Variants in MBOAT7 observed in about 807,000 individuals in gnomAD.
MBOAT7 encodes membrane-bound acylglycerophosphatidylinositol O-acyltransferase MBOAT7.
In MBOAT7, 40 loss-of-function variants were observed where a neutral mutation model predicts 47.4. The observed-to-expected ratio is 0.84, with a 90% CI of 0.66 to 1.10. The LOEUF (loss-of-function observed/expected upper bound fraction) is 1.10, where lower values mean the gene tolerates loss of function less well. MBOAT7 is among the 50% of genes least tolerant of loss of function. The pLI is 0.00. For missense variants in MBOAT7, 680 were observed against 655.6 expected, an observed-to-expected ratio of 1.04 and a Z score of -0.41; for synonymous variants, 361 against 292.0, an observed-to-expected ratio of 1.24 and a Z score of -2.41.
At position 54,173,559 on chromosome 19, in the gene MBOAT7, G is replaced by A. The variant is rs372661931; in HGVS notation, c.*485C>T. 1.3e-4 allele frequency: 24 copies of A among 178,410 alleles called. No individual in the cohort carries two copies. Among genetic ancestry groups the A allele is most frequent in the East Asian group, 6.4e-4 (4 of 6,226 alleles). 11.1% of individuals were successfully genotyped at this position (178,410 alleles called of 1,614,324 possible). On this transcript the variant is annotated 3_prime_UTR_variant, in exon 8 of 8. Transcript: ENST00000245615. ...CGGCCGTCCCCAGGCCCGCGCACCC[G>A]CACCTCAGTTTCCCCTTTGTGAAAT...
chr19:54,188,208 A>G lies in MBOAT7; in HGVS notation c.206+9T>C. On this transcript the variant is annotated intron_variant, in intron 3 of 7. Coordinates refer to ENST00000245615, the MANE Select transcript of MBOAT7 (RefSeq NM_024298.5). The stretch of plus-strand genomic sequence containing the variant: ...TCCTCTCCCTCTCCTCCCTCCACCA[A>G]ATTCTCACCAGGGCTGGGCCTGAAT... 6.3e-7 allele frequency: 1 copy of G among 1,596,630 alleles called. No individual in the cohort carries two copies.
intron 3 of MBOAT7, among the ~76,000 whole-genome samples, chr19:54,187,898 C>T (rs865951942): frequency 2.6e-5 from 4 of 151,888 alleles, no homozygotes; most frequent in African/African-American, 9.7e-5. Context: ...GCCTGTAATC[C>T]CAGCTACTTG....
At chr19:54,179,184 T>G in intron 6 of MBOAT7, 8 of 574,194 alleles carry the variant, frequency 1.4e-5, no homozygotes, top group Middle Eastern at 4.6e-4. Context: ...TTTTGGTACC[T>G]AATGGGGCCC....
Position 54,174,447 on chromosome 19 carries a change from G to A in MBOAT7, c.1032-16C>T. 6.6e-7 allele frequency: 1 copy of A among 1,523,054 alleles called. No individual in the cohort carries two copies. The highest frequency in any genetic ancestry group is 8.8e-7 in the Non-Finnish European group (1 of 1,137,222). The allele number at this position is 1,523,054 out of a possible 1,614,324, so 94.3% of individuals were successfully genotyped here. ...CCAGGCGCTCCTGAGGAGGAGGCTG[G>A]GAGTCAGGACCTACGAGTCCAGGTC... On this transcript the variant is annotated splice_polypyrimidine_tract_variant and intron_variant, in intron 7 of 7. Coordinates refer to ENST00000245615, the MANE Select transcript of MBOAT7 (RefSeq NM_024298.5).
intron 7 of MBOAT7, 57 bp downstream of exon 7, chr19:54,178,708 G>A: frequency 1.3e-6 from 2 of 1,590,874 alleles, no homozygotes; most frequent in Non-Finnish European, 1.7e-6. Flanking sequence ...GCTACCCTGG[G>A]GCCTGCTGGG....
chr19:54,173,925 G>T lies in MBOAT7; in HGVS notation c.*119C>A. 7.8e-7 allele frequency: 1 copy of T among 1,277,096 alleles called. No homozygotes were observed. The highest frequency in any genetic ancestry group is 1.0e-6 in the Non-Finnish European group (1 of 955,944). The allele number at this position is 1,277,096 out of a possible 1,614,324, so 79.1% of individuals were successfully genotyped here. On this transcript the variant is annotated 3_prime_UTR_variant, in exon 8 of 8. Transcript: ENST00000245615. ...TCAGTTGCAGGCAGGGTATTTAGCT[G>T]GGGAAGAGGAAATTCTCTCCAGGAC...
intron 5 of MBOAT7, among the ~76,000 whole-genome samples, chr19:54,182,853 A>G (rs2076326936): frequency 6.6e-6 from 1 of 151,810 alleles, no homozygotes. Context: ...GGCACACACC[A>G]CCATGCCCGG....
chr19:54,174,778 C>T (rs1345491688), intron 7 of MBOAT7, among the ~76,000 whole-genome samples: 2 of 152,202 alleles, frequency 1.3e-5, no homozygotes, highest in East Asian at 3.9e-4. Context: ...AGGCCCTCCC[C>T]ACTCAGACCC....
chr19:54,174,328 GC>G lies in MBOAT7; in HGVS notation c.1134del (p.Leu379TrpfsTer9), dbSNP rs773350265. The G allele has an allele frequency of 6.2e-7, 1 of 1,613,168 alleles. No homozygotes were observed. The highest frequency in any genetic ancestry group is 8.5e-7 in the Non-Finnish European group (1 of 1,179,558). On this transcript the variant is annotated frameshift_variant, in exon 8 of 8. Transcript: ENST00000245615. LOFTEE classifies it high-confidence loss of function. ...AGCCGCCCCCGCAGGGCTGACTCCA[GC>G]CGGCCCTCGGCAGCCAGGCACAGCG... ...TIPLCLAAEG[R>X]LESALRGRLS...
At chr19:54,175,200 G>T (rs190997369) in intron 7 of MBOAT7, among the ~76,000 whole-genome samples, 22 of 152,036 alleles carry the variant, frequency 1.4e-4, no homozygotes, top group Non-Finnish European at 3.2e-4. Flanking sequence ...GGATGGTCTC[G>T]ATCTCCTGAC....
intron 4 of MBOAT7, among the ~76,000 whole-genome samples, chr19:54,184,245 C>A (rs1212362685): frequency 1.4e-5 from 2 of 147,020 alleles, no homozygotes; most frequent in African/African-American, 5.1e-5. Context: ...TCACTGCAAC[C>A]CCCACCTCCT....
chr19:54,177,186 A>AATACTAATACTAATACTAATACTAATAC (rs1324432737), intron 7 of MBOAT7, among the ~76,000 whole-genome samples: 2 of 62,006 alleles, frequency 3.2e-5, no homozygotes, highest in Admixed American at 3.6e-4. Flanking sequence ...AATACTAATA[A>AATACTAATACTAATACTAATACTAATAC]TAATATCCTT....
Position 54,174,158 on chromosome 19 carries a change from G to C in MBOAT7, c.1305C>G (p.Phe435Leu), listed in dbSNP as rs1162490551. The change falls in exon 8 of 8, where the codon TTC (phenylalanine) becomes TTG (leucine). Residue 435 changes from phenylalanine (F) to leucine (L), a missense_variant. Physicochemically the swap from Phe to Leu is conservative, Grantham distance 22. Transcript: ENST00000245615. ...YWASIYFCIH[F>L]LALAALGLGL... Reference sequence around the variant, plus strand: ...CCAGCCCCAGGGCTGCCAGGGCCAGGAAGTGGATACAGAAGTAGATGGAGG... The same window carrying C: ...CCAGCCCCAGGGCTGCCAGGGCCAGCAAGTGGATACAGAAGTAGATGGAGG... 4 of 1,600,352 alleles carry C rather than the reference G, an allele frequency of 2.5e-6. No individual in the cohort carries two copies. The highest frequency in any genetic ancestry group is 1.1e-5 in the South Asian group (1 of 89,724).
At chr19:54,175,069 A>C (rs370695967) in intron 7 of MBOAT7, among the ~76,000 whole-genome samples, 1 of 142,950 alleles carries the variant, frequency 7.0e-6, no homozygotes, top group Non-Finnish European at 1.5e-5. Flanking sequence ...TCCGCCTCCC[A>C]GGTTCACGCC....
At position 54,188,503 on chromosome 19, in the gene MBOAT7, C is replaced by T. The variant is rs1254120237; in HGVS notation, c.6G>A (p.Ser2=). 7 of 1,552,598 alleles carry T rather than the reference C, an allele frequency of 4.5e-6. No individual in the cohort carries two copies. Among genetic ancestry groups the T allele is most frequent in the East Asian group, 2.4e-5 (1 of 41,086 alleles). ...CCACTAGATACGTCCATTCTTCAGG[C>T]GACATGGTCTGGGGGAGGGGCAGAG... M[S]PEEWTYLVVL... Residue 2 remains serine, a synonymous_variant, in exon 2 of 8, where the codon TCG becomes TCA. Transcript: ENST00000245615.
chr19:54,188,069 G>GAAAGAAAGAAAGAAAGAAAGAAAGACAA (rs1416964687), intron 3 of MBOAT7, 148 bp downstream of exon 3: 2 of 200,042 alleles, frequency 1.0e-5, no homozygotes, highest in African/African-American at 6.0e-5. Flanking sequence ...AAGAAAGAAA[G>GAAAGAAAGAAAGAAAGAAAGAAAGACAA]ACAAACAAAC....
chr19:54,174,526 C>T (rs2076023836), intron 7 of MBOAT7, 95 bp from the exon 8 acceptor site: 1 of 1,316,590 alleles, frequency 7.6e-7, no homozygotes. Flanking sequence ...CCCCTCCTCC[C>T]TCAGACCGAG....
chr19:54,187,066 G>A, intron 4 of MBOAT7, 95 bp downstream of exon 4: 1 of 1,429,442 alleles, frequency 7.0e-7, no homozygotes. Flanking sequence ...TGTGTTGGAG[G>A]TAAAATCCCG....
chr19:54,188,631 T>C, intron 1 of MBOAT7, 120 bp from the exon 2 acceptor site: 2 of 921,286 alleles, frequency 2.2e-6, no homozygotes, highest in Non-Finnish European at 3.3e-6. Context: ...TGATGGAGTA[T>C]GAGCCTCAGC....
Sources: allele counts gnomAD v4.1 joint callset (sites outside exome capture counted in the v4.1 genomes callset), GRCh38; gene constraint gnomAD v4.1.1; transcripts MANE v1.5; gene names NCBI Gene and HGNC (gene_info 2026-07-23, HGNC 2026-07-21).